The following CPT1C variants were observed in gnomAD, a reference collection of about 807,000 sequenced individuals.
CPT1C encodes palmitoyl thioesterase CPT1C.
CPT1C carries 61 observed loss-of-function variants against 97.3 expected under a neutral mutation model. That is an observed-to-expected ratio of 0.63 (90% CI 0.51 to 0.78). The LOEUF (loss-of-function observed/expected upper bound fraction) is 0.78, where lower values mean the gene tolerates loss of function less well. CPT1C is among the 30% of genes least tolerant of loss of function. The pLI is 0.00. For synonymous variants in CPT1C, 469 were observed against 447.2 expected, an observed-to-expected ratio of 1.05 and a Z score of -0.61; for missense variants, 975 against 1,065.5, an observed-to-expected ratio of 0.92 and a Z score of 1.18.
At chr19:49,695,666 C>G (rs1007037255) in intron 3 of CPT1C, among the ~76,000 whole-genome samples, 1 of 147,972 alleles carries the variant, frequency 6.8e-6, no homozygotes, top group African/African-American at 2.5e-5. Flanking sequence ...CTTACTGCAA[C>G]CTCTGCCTCC....
At chr19:49,701,888 ATT>A (rs2083093807) in intron 7 of CPT1C, among the ~76,000 whole-genome samples, 1 of 110,232 alleles carries the variant, frequency 9.1e-6, no homozygotes, top group Admixed American at 1.3e-4. Context: ...AAATATATAT[ATT>A]TATTTATAAA....
At chr19:49,703,460 A>G (rs1229285980) in intron 7 of CPT1C, among the ~76,000 whole-genome samples, 1 of 146,800 alleles carries the variant, frequency 6.8e-6, no homozygotes, top group Non-Finnish European at 1.5e-5. Context: ...TCGGCCTCCC[A>G]AAGTGTTGGG....
intron 2 of CPT1C, 63 bp downstream of exon 2, chr19:49,691,952 GCGTGAGATC>G: frequency 2.5e-6 from 1 of 395,214 alleles, no homozygotes. Context: ...GCAGCTGAAA[GCGTGAGATC>G]CCGGGTCTGA....
rs2083520522 is a variant in CPT1C, at chr19:49,706,727, C to G, written c.1343+314C>G. Among the ~76,000 whole-genome samples the G allele has an allele frequency of 6.6e-6, 1 of 152,076 alleles. No individual in the cohort carries two copies. Among genetic ancestry groups the G allele is most frequent in the Admixed American group, 6.6e-5 (1 of 15,242 alleles). ...CATCACAGACCCAGAGACCCCAGAT[C>G]TGAGGACCACCAAACCCAGGACCCC... On this transcript the variant is annotated intron_variant, in intron 12 of 19. Coordinates refer to ENST00000598293, the MANE Select transcript of CPT1C (RefSeq NM_001199753.2). The surrounding 1 kb of genome is among the most constrained non-coding windows in gnomAD (Gnocchi z 4.8).
chr19:49,703,573 C>CTCCT, intron 7 of CPT1C, among the ~76,000 whole-genome samples: 2 of 98,486 alleles, frequency 2.0e-5, no homozygotes, highest in Non-Finnish European at 4.1e-5. Context: ...TCCTCCCTCC[C>CTCCT]TCCCTCCCTC....
Position 49,706,509 on chromosome 19 carries a change from C to A in CPT1C, c.1343+96C>A. On this transcript the variant is annotated intron_variant, in intron 12 of 19. Transcript: ENST00000598293. The surrounding 1 kb of genome is among the most constrained non-coding windows in gnomAD (Gnocchi z 4.8). ...ACAGTAGACAGCCAGACCCTGGAGCCCACACCTGCAGAGTCTGTAGACCAG... is the reference window on the plus strand; with the variant it reads ...ACAGTAGACAGCCAGACCCTGGAGCACACACCTGCAGAGTCTGTAGACCAG... 9.1e-7 allele frequency: 1 copy of A among 1,097,854 alleles called. No homozygotes were observed. Among genetic ancestry groups the A allele is most frequent in the Non-Finnish European group, 1.2e-6 (1 of 830,120 alleles). The allele number at this position is 1,097,854 out of a possible 1,614,324, so 68.0% of individuals were successfully genotyped here.
intron 12 of CPT1C, 31 bp from the exon 13 acceptor site, chr19:49,707,487 C>G (rs773459291): frequency 1.3e-6 from 2 of 1,551,390 alleles, no homozygotes; most frequent in Non-Finnish European, 1.8e-6. Flanking sequence ...GCCCCTCGCT[C>G]TTGGTGACCC....
In CPT1C at chr19:49,707,574, G is replaced by A. The variant is rs745808325; in HGVS notation, c.1400G>A (p.Ser467Asn). 11 of 1,613,960 alleles carry A rather than the reference G, an allele frequency of 6.8e-6. No individual in the cohort carries two copies. The highest frequency in any genetic ancestry group is 8.5e-6 in the Non-Finnish European group (10 of 1,179,934). The change falls in exon 13 of 20, where the codon AGC becomes AAC. Residue 467 changes from serine (S) to asparagine (N), a missense_variant. Coordinates refer to ENST00000598293, the MANE Select transcript of CPT1C (RefSeq NM_001199753.2). ...IVFSNGKLGL[S>N]VEHSWADCPI... ...TTCTCTAACGGGAAGCTGGGCCTCA[G>A]CGTGGAGCACTCCTGGGCCGACTGC...
chr19:49,702,064 T>TTATTTATAAATTATAAATAAATATG (rs2083167460), intron 7 of CPT1C, among the ~76,000 whole-genome samples: 2 of 96,370 alleles, frequency 2.1e-5, no homozygotes, highest in African/African-American at 4.1e-5. Flanking sequence ...AAATATATAT[T>TTATTTATAAATTATAAATAAATATG]TATTTATAAA....
Position 49,713,485 on chromosome 19 carries a change from G to A in CPT1C, c.2292G>A (p.Ala764=), listed in dbSNP as rs1241562483. ...TGGATGTGGCCTCCCTGTTCCAGGC[G>A]GGACAGCATTTTAAGCGCCGGTTCA... The part of the protein sequence containing the change: ...ALLDVASLFQ[A]GQHFKRRFRG... The change falls in exon 20 of 20, where the codon GCG becomes GCA. Residue 764 remains alanine (A), a synonymous_variant. Coordinates refer to ENST00000598293, the MANE Select transcript of CPT1C (RefSeq NM_001199753.2). The A allele has an allele frequency of 3.1e-6, 5 of 1,614,230 alleles. No homozygotes were observed. Among genetic ancestry groups the A allele is most frequent in the Middle Eastern group, 1.6e-4 (1 of 6,062 alleles).
chr19:49,692,859 G>C (rs925790601), intron 3 of CPT1C, among the ~76,000 whole-genome samples: 1 of 151,996 alleles, frequency 6.6e-6, no homozygotes, highest in African/African-American at 2.4e-5. Flanking sequence ...CCAGGTAGCC[G>C]GGATTATTGG....
At chr19:49,693,068 A>G (rs1191698697) in intron 3 of CPT1C, among the ~76,000 whole-genome samples, 1 of 152,140 alleles carries the variant, frequency 6.6e-6, no homozygotes, top group African/African-American at 2.4e-5. Context: ...TTGTATTTTT[A>G]GTAGAGACGG....
intron 17 of CPT1C, chr19:49,712,462 G>A (rs927914190): frequency 1.5e-5 from 7 of 479,082 alleles, no homozygotes; most frequent in Non-Finnish European, 2.3e-5. Context: ...GCAGACAAAA[G>A]GGGAGAGGGT....
intron 16 of CPT1C, 68 bp from the exon 17 acceptor site, chr19:49,711,741 T>A: frequency 2.0e-6 from 3 of 1,508,492 alleles, no homozygotes; most frequent in Non-Finnish European, 2.7e-6. Context: ...AGGCCAGATG[T>A]GCCGCAGGCC....
In CPT1C at chr19:49,701,616, C is replaced by G; in HGVS notation, c.675C>G (p.Ser225=). The G allele has an allele frequency of 6.2e-7, 1 of 1,604,910 alleles. No homozygotes were observed. Among genetic ancestry groups the G allele is most frequent in the Admixed American group, 1.7e-5 (1 of 59,560 alleles). Residue 225 remains serine, a synonymous_variant, in exon 7 of 20, where the codon TCC becomes TCG. Coordinates refer to ENST00000598293, the MANE Select transcript of CPT1C (RefSeq NM_001199753.2). ...SLLQWYLRLK[S]WWASNYVSDW... ...TGCAGTGGTACCTGCGGCTCAAGTCCTGGTGGGCGTCCAATTATGTGAGTC... is the reference window on the plus strand; with the variant it reads ...TGCAGTGGTACCTGCGGCTCAAGTCGTGGTGGGCGTCCAATTATGTGAGTC...
intron 15 of CPT1C, 44 bp downstream of exon 15, chr19:49,710,528 C>T (rs2083797759): frequency 3.7e-6 from 6 of 1,608,606 alleles, no homozygotes; most frequent in Non-Finnish European, 5.1e-6. Flanking sequence ...GGTCTCAGTC[C>T]ACCTGAGCCC....
At position 49,711,927 on chromosome 19, in the gene CPT1C, G is replaced by A. The variant is rs548745420; in HGVS notation, c.1985G>A (p.Arg662Gln). The change falls in exon 17 of 20, where the codon CGA (arginine) becomes CAA (glutamine). Residue 662 changes from arginine to glutamine, a missense_variant. Arg to Gln is a conservative substitution (Grantham distance 43, BLOSUM62 1). This residue lies in a region of CPT1C where 344 missense variants were observed against 395.7 expected (regional missense o/e 0.87). Transcript: ENST00000598293. ...CTGTTTGCGCTGTACATCGTGTCCC[G>A]ATTCCTCCACCTGCAGTCGCCCTTC... Reference protein sequence around the residue: ...RHLFALYIVSRFLHLQSPFLT... With the variant: ...RHLFALYIVSQFLHLQSPFLT... The A allele has an allele frequency of 3.1e-6, 5 of 1,614,138 alleles. No homozygotes were observed. The highest frequency in any genetic ancestry group is 1.3e-5 in the African/African-American group (1 of 75,060).
intron 13 of CPT1C, among the ~76,000 whole-genome samples, chr19:49,708,122 T>G (rs952228079): frequency 6.7e-6 from 1 of 149,172 alleles, no homozygotes; most frequent in Non-Finnish European, 1.5e-5. Flanking sequence ...CTTTGATGAG[T>G]TGGTAACTGG....
In CPT1C at chr19:49,706,339, G is replaced by C; in HGVS notation, c.1269G>C (p.Gly423=). The C allele has an allele frequency of 6.6e-7, 1 of 1,523,504 alleles. No homozygotes were observed. Among genetic ancestry groups the C allele is most frequent in the South Asian group, 1.3e-5 (1 of 78,954 alleles). The allele number at this position is 1,523,504 out of a possible 1,614,324, so 94.4% of individuals were successfully genotyped here. ...FFVSLDAEPA[G]LTREDPAASL... ...TGTCACTGGATGCTGAGCCCGCGGG[G>C]CTCACCAGGGAGGACCCGGCAGCGT... The change falls in exon 12 of 20, where the codon GGG becomes GGC. Residue 423 remains glycine (G), a synonymous_variant. Coordinates refer to ENST00000598293, the MANE Select transcript of CPT1C (RefSeq NM_001199753.2). This position sits in a 1 kb window ranked among gnomAD's most constrained non-coding sequence, Gnocchi z 4.8.
Sources: allele counts gnomAD v4.1 joint callset (sites outside exome capture counted in the v4.1 genomes callset), GRCh38; gene constraint gnomAD v4.1.1; regional missense constraint gnomAD v4.1.1; non-coding constraint Gnocchi (gnomAD v3.1); transcripts MANE v1.5; gene names NCBI Gene and HGNC (gene_info 2026-07-23, HGNC 2026-07-21).